Variants in ZNF329 observed in about 807,000 individuals in gnomAD.
ZNF329 encodes zinc finger protein 329.
In ZNF329, 15 loss-of-function variants were observed where a neutral mutation model predicts 26.6. The observed-to-expected ratio is 0.56, with a 90% confidence interval of 0.38 to 0.87. ZNF329 has a LOEUF of 0.87. Among genes scored for constraint, ZNF329 ranks in the 40% least tolerant of loss-of-function variants. The probability of loss-of-function intolerance (pLI) is 0.00; values close to 1 mark genes in which losing one functional copy is unlikely to be tolerated. For missense variants in ZNF329, 651 were observed against 651.9 expected, an observed-to-expected ratio of 1.00 and a Z score of 0.02; for synonymous variants, 239 against 233.5, an observed-to-expected ratio of 1.02 and a Z score of -0.21.
chr19:58,136,683 C>CTA lies in ZNF329; in HGVS notation c.-9+5873_-9+5874insTA, dbSNP rs2075073605. On this transcript the variant is annotated intron_variant, in intron 3 of 3. Transcript: ENST00000598312. ...CCTGGGTGACAGAGTAAGACTGTCTCCAAAAAAAAAAAAAAAAAAAAAAAA... is the reference window on the plus strand; with the variant it reads ...CCTGGGTGACAGAGTAAGACTGTCTCTACAAAAAAAAAAAAAAAAAAAAAAAA... The CTA allele has an allele frequency of 1.1e-4, 2 of 17,868 alleles. 1 individual carries two copies. The highest frequency in any genetic ancestry group is 1.3e-3 in the Admixed American group (2 of 1,530). The allele number at this position is 17,868 out of a possible 1,614,324, so 1.1% of individuals were successfully genotyped here.
intron 1 of ZNF329, among the ~76,000 whole-genome samples, chr19:58,147,580 G>A (rs571492767): frequency 2.6e-4 from 36 of 141,078 alleles, no homozygotes; most frequent in Middle Eastern, 4.1e-3. Flanking sequence ...CAGCCGCCCC[G>A]TCCGGGAGGG....
At chr19:58,147,672 G>A (rs281069) in intron 1 of ZNF329, among the ~76,000 whole-genome samples, 71,723 of 136,528 alleles carry the variant, frequency 0.53, 20,086 homozygotes, top group South Asian at 0.63. Flanking sequence ...CCGGCCAGCC[G>A]CCCTGTCTGG....
At chr19:58,131,835 G>A (rs1363213692) in intron 3 of ZNF329, among the ~76,000 whole-genome samples, 1 of 151,986 alleles carries the variant, frequency 6.6e-6, no homozygotes, top group African/African-American at 2.4e-5. Flanking sequence ...CATCCTGGCT[G>A]ACACGGTGAA....
intron 1 of ZNF329, among the ~76,000 whole-genome samples, chr19:58,145,875 A>G (rs780173519): frequency 6.6e-5 from 10 of 152,016 alleles, no homozygotes; most frequent in African/African-American, 1.7e-4. Flanking sequence ...GAAGAACATG[A>G]TGTCACTTAG....
intron 3 of ZNF329, among the ~76,000 whole-genome samples, chr19:58,134,397 A>G (rs967591508): frequency 6.6e-6 from 1 of 152,262 alleles, no homozygotes; most frequent in African/African-American, 2.4e-5. Context: ...TACAAAGTGT[A>G]AAGTAAGGTA....
chr19:58,150,829 G>A (rs1013236873), upstream of ZNF329: 2 of 152,692 alleles, frequency 1.3e-5, no homozygotes, highest in Non-Finnish European at 2.9e-5. Context: ...CGCGTGCGCG[G>A]AGTCCCCGAG....
intron 3 of ZNF329, among the ~76,000 whole-genome samples, chr19:58,130,392 G>A (rs535674551): frequency 5.9e-5 from 9 of 151,842 alleles, no homozygotes; most frequent in Non-Finnish European, 1.0e-4. Flanking sequence ...GGATCATGTC[G>A]GCCAGGCGCG....
At chr19:58,139,978 C>T (rs1444425769) in intron 3 of ZNF329, among the ~76,000 whole-genome samples, 6 of 152,308 alleles carry the variant, frequency 3.9e-5, no homozygotes, top group Non-Finnish European at 8.8e-5. Flanking sequence ...TCTGATGATT[C>T]TCAAAAAGGA....
At chr19:58,148,898 T>C (rs2075387470) in intron 1 of ZNF329, among the ~76,000 whole-genome samples, 1 of 152,176 alleles carries the variant, frequency 6.6e-6, no homozygotes, top group Admixed American at 6.5e-5. Context: ...GAAAACCCTA[T>C]GTCAGAGGCG....
chr19:58,129,686 A>T (rs1265657595), intron 3 of ZNF329, among the ~76,000 whole-genome samples, 175 bp from the exon 4 acceptor site: 1 of 152,230 alleles, frequency 6.6e-6, no homozygotes, highest in Non-Finnish European at 1.5e-5. Flanking sequence ...AACCAAGAAC[A>T]GATTCAAAAA....
chr19:58,127,412 G>C lies in ZNF329; in HGVS notation c.*466C>G, dbSNP rs1433352458. On this transcript the variant is annotated 3_prime_UTR_variant, in exon 4 of 4. Transcript: ENST00000598312. ...AGCTACTTTGGAGGCTGAGGCAGGA[G>C]AACTGCTTGAACCTGGGAGGCAGAG... The C allele has an allele frequency of 6.5e-6, 1 of 152,920 alleles. No individual in the cohort carries two copies. Among genetic ancestry groups the C allele is most frequent in the Non-Finnish European group, 1.5e-5 (1 of 68,532 alleles). The allele number at this position is 152,920 out of a possible 1,614,324, so 9.5% of individuals were successfully genotyped here.
rs1332531296 is a variant in ZNF329 at position 58,147,771 on chromosome 19, G to C, written c.-208+2981C>G. Among the ~76,000 whole-genome samples the C allele has an allele frequency of 7.5e-4, 11 of 14,746 alleles. 2 individuals are homozygous for C. The highest frequency in any genetic ancestry group is 3.8e-3 in the African/African-American group (11 of 2,874). 9.7% of individuals were successfully genotyped at this position (14,746 alleles called of 152,430 possible). A position where few individuals can be genotyped will look rare whatever the true frequency, so the allele number is the denominator to read the frequency against. ...GCCGCCCCGTCCGGGAGGGAGGTGG[G>C]GGGGGTCAGCCCCCCCACCCGGCCA... On this transcript the variant is annotated intron_variant, in intron 1 of 3. Transcript: ENST00000598312.
At chr19:58,141,198 A>G (rs1455484936) in intron 3 of ZNF329, among the ~76,000 whole-genome samples, 2 of 150,346 alleles carry the variant, frequency 1.3e-5, no homozygotes, top group Non-Finnish European at 3.0e-5. Context: ...GTCTCACTAT[A>G]TGGGCCAGGC....
intron 3 of ZNF329, among the ~76,000 whole-genome samples, chr19:58,135,604 C>A (rs192208427): frequency 6.6e-6 from 1 of 152,082 alleles, no homozygotes. Context: ...GAAATGAAAA[C>A]GCAGAAGAAT....
At position 58,142,622 on chromosome 19, in the gene ZNF329, C is replaced by T. The variant is rs958467939; in HGVS notation, c.-74G>A. On this transcript the variant is annotated 5_prime_UTR_variant, in exon 3 of 4. An upstream start codon of the reference 5' UTR is lost. Transcript: ENST00000598312. ...ATACTTGACATCGATGGTTGCTGGA[C>T]ATTAGCCATTTATGCCCATCCACAC... The T allele has an allele frequency of 2.6e-5, 4 of 152,656 alleles. No individual in the cohort carries two copies. Among genetic ancestry groups the T allele is most frequent in the African/African-American group, 7.2e-5 (3 of 41,454 alleles). 9.5% of individuals were successfully genotyped at this position (152,656 alleles called of 1,614,324 possible).
chr19:58,138,373 A>T (rs531020690), intron 3 of ZNF329, among the ~76,000 whole-genome samples: 1 of 152,352 alleles, frequency 6.6e-6, no homozygotes, highest in Non-Finnish European at 1.5e-5. Flanking sequence ...ATCACACCTT[A>T]AACATCAGAA....
chr19:58,130,149 G>A lies in ZNF329; in HGVS notation c.-8-638C>T, dbSNP rs555969615. On this transcript the variant is annotated intron_variant, in intron 3 of 3. Transcript: ENST00000598312. Reference sequence around the variant, plus strand: ...AGCCTGACCAACATGGTGAAACACCGTCTCTACTAAAAATACAAAAAAAAT... The same window carrying A: ...AGCCTGACCAACATGGTGAAACACCATCTCTACTAAAAATACAAAAAAAAT... Among the ~76,000 whole-genome samples the A allele has an allele frequency of 2.2e-4, 34 of 152,114 alleles. No homozygotes were observed. In the South Asian group the frequency reaches 2.9e-3, roughly 13 times the overall value.
chr19:58,152,721 G>C (rs893540505), upstream of ZNF329, among the ~76,000 whole-genome samples: 1 of 152,102 alleles, frequency 6.6e-6, no homozygotes, highest in East Asian at 1.9e-4. Flanking sequence ...GCCGGGGGTG[G>C]TGGCGGGTGC....
chr19:58,152,153 C>T (rs1366536684), upstream of ZNF329, among the ~76,000 whole-genome samples: 1 of 152,140 alleles, frequency 6.6e-6, no homozygotes, highest in Non-Finnish European at 1.5e-5. Flanking sequence ...AATACAAAAA[C>T]CTCATTAACA....
Sources: allele counts gnomAD v4.1 joint callset (sites outside exome capture counted in the v4.1 genomes callset), GRCh38; gene constraint gnomAD v4.1.1; transcripts MANE v1.5; gene names NCBI Gene and HGNC (gene_info 2026-07-23, HGNC 2026-07-21).